The following LGSN variants were observed in gnomAD, a reference collection of about 807,000 sequenced individuals.
The protein encoded by LGSN is lengsin, lens protein with glutamine synthetase domain.
A neutral mutation model predicts 19.5 loss-of-function variants in LGSN; 21 were observed. That is an observed-to-expected ratio of 1.07 (90% CI 0.76 to 1.55). The LOEUF (loss-of-function observed/expected upper bound fraction) is 1.55, where lower values mean the gene tolerates loss of function less well. LGSN is among the 40% of genes most tolerant of loss of function. The pLI is 0.00. For synonymous variants in LGSN, 257 were observed against 215.6 expected (o/e 1.19, Z -1.68); for missense variants, 673 against 608.5 (o/e 1.11, Z -1.12).
chr6:63,470,284 G>A, the LGSN span, among the ~76,000 whole-genome samples: 2 of 151,506 alleles, frequency 1.3e-5, no homozygotes, highest in Non-Finnish European at 2.9e-5. Context: ...CCTGACTAAC[G>A]TGGCAAAACC....
the LGSN span, among the ~76,000 whole-genome samples, chr6:63,556,344 CT>C: frequency 3.4e-5 from 5 of 149,230 alleles, no homozygotes; most frequent in African/African-American, 9.8e-5. Flanking sequence ...TTGCCTTTTT[CT>C]TTTTTTTTCT....
chr6:63,531,926 G>A, the LGSN span, among the ~76,000 whole-genome samples: 145 of 151,132 alleles, frequency 9.6e-4, no homozygotes, highest in Non-Finnish European at 1.5e-3. Context: ...TCAGCCTCCC[G>A]AGTAGCTGGA....
the LGSN span, among the ~76,000 whole-genome samples, chr6:63,484,081 G>A: frequency 4.6e-5 from 7 of 152,134 alleles, no homozygotes; most frequent in African/African-American, 1.4e-4. Context: ...TTGAGCCCAG[G>A]AGTTCGAGGT....
chr6:63,412,514 G>GAAAGA, the LGSN span, among the ~76,000 whole-genome samples: 1 of 101,952 alleles, frequency 9.8e-6, no homozygotes, highest in Non-Finnish European at 1.9e-5. Flanking sequence ...AAGAAAGAAA[G>GAAAGA]AAAGAAAGAA....
chr6:63,293,302 A>T (rs1767845570), intron 2 of LGSN, among the ~76,000 whole-genome samples: 1 of 152,038 alleles, frequency 6.6e-6, no homozygotes, highest in Non-Finnish European at 1.5e-5. Context: ...TGGCTTTTAG[A>T]TTTGCTTTTG....
At chr6:63,293,009 T>G (rs1198184616) in intron 2 of LGSN, among the ~76,000 whole-genome samples, 1 of 152,182 alleles carries the variant, frequency 6.6e-6, no homozygotes, top group Non-Finnish European at 1.5e-5. Context: ...TTTCCTTTTT[T>G]CAGAGTGGGG....
chr6:63,310,073 T>A (rs1768561720), intron 1 of LGSN, among the ~76,000 whole-genome samples: 1 of 152,208 alleles, frequency 6.6e-6, no homozygotes, highest in African/African-American at 2.4e-5. Flanking sequence ...AGCTGGGAAT[T>A]TTCACATACA....
In LGSN at chr6:63,312,855, A is replaced by G. The variant is rs147924121; in HGVS notation, c.30+7059T>C. On this transcript the variant is annotated intron_variant, in intron 1 of 3. Transcript: ENST00000370657. ...TAGCTGGATATAGGAAGTGTCAGAG[A>G]CAGAGGAATGAAAAATGACAACCAC... 6.6e-4 allele frequency among the ~76,000 whole-genome samples: 100 copies of G among 152,290 alleles called. 1 individual carries two copies. Among genetic ancestry groups the G allele is most frequent in the African/African-American group, 2.3e-3 (96 of 41,554 alleles).
At chr6:63,505,563 A>AAAAAAGAAAGAAAG in the LGSN span, among the ~76,000 whole-genome samples, 1 of 86,690 alleles carries the variant, frequency 1.2e-5, no homozygotes, top group African/African-American at 5.8e-5. Flanking sequence ...CAAAAAAAAA[A>AAAAAAGAAAGAAAG]AAAAAGAAAG....
At chr6:63,289,279 T>C (rs913419931) in intron 2 of LGSN, among the ~76,000 whole-genome samples, 1 of 152,252 alleles carries the variant, frequency 6.6e-6, no homozygotes, top group African/African-American at 2.4e-5. Flanking sequence ...GCATCGATTT[T>C]TCATTTAAAA....
chr6:63,365,641 G>T, the LGSN span, among the ~76,000 whole-genome samples: 2 of 152,090 alleles, frequency 1.3e-5, no homozygotes, highest in Non-Finnish European at 2.9e-5. Flanking sequence ...CAAAAAAAGA[G>T]AATTTTAGAC....
the LGSN span, among the ~76,000 whole-genome samples, chr6:63,573,013 T>C: frequency 1.3e-5 from 2 of 151,570 alleles, no homozygotes; most frequent in Admixed American, 1.3e-4. Flanking sequence ...GCGGTCCGGC[T>C]TCTGCGGCGG....
At chr6:63,518,707 C>T in the LGSN span, among the ~76,000 whole-genome samples, 1 of 152,170 alleles carries the variant, frequency 6.6e-6, no homozygotes, top group Non-Finnish European at 1.5e-5. Context: ...AGTGTACTAA[C>T]AACAGAGAGG....
At chr6:63,338,230 A>G in the LGSN span, among the ~76,000 whole-genome samples, 7 of 152,192 alleles carry the variant, frequency 4.6e-5, no homozygotes, top group African/African-American at 9.7e-5. Flanking sequence ...GTTCAAAATT[A>G]TCTCAAAAAT....
At chr6:63,320,591 G>C (rs769073218), upstream of LGSN, among the ~76,000 whole-genome samples, 1 of 152,098 alleles carries the variant, frequency 6.6e-6, no homozygotes, top group Non-Finnish European at 1.5e-5. Context: ...TCATCTACAG[G>C]CTGCCCCATA....
chr6:63,439,502 G>A, the LGSN span, among the ~76,000 whole-genome samples: 2 of 151,606 alleles, frequency 1.3e-5, no homozygotes, highest in African/African-American at 4.8e-5. Context: ...GCGACAGAGT[G>A]TGATTCTGTC....
the LGSN span, among the ~76,000 whole-genome samples, chr6:63,555,234 G>A: frequency 6.6e-6 from 1 of 152,130 alleles, no homozygotes; most frequent in Non-Finnish European, 1.5e-5. Flanking sequence ...CCCGAGTAGA[G>A]GTACATGACT....
At chr6:63,507,172 G>A in the LGSN span, among the ~76,000 whole-genome samples, 5 of 152,080 alleles carry the variant, frequency 3.3e-5, no homozygotes, top group South Asian at 4.1e-4. Context: ...CTGTCCCTCC[G>A]TCCTTGAGTG....
chr6:63,306,253 C>G (rs1251425179), intron 1 of LGSN, among the ~76,000 whole-genome samples: 1 of 152,118 alleles, frequency 6.6e-6, no homozygotes, highest in African/African-American at 2.4e-5. Context: ...TGTTCAAGGT[C>G]ATATCTGAGG....
Sources: gnomAD v4.1 joint callset for allele counts (sites outside exome capture counted in the v4.1 genomes callset) on GRCh38, gnomAD v4.1.1 for gene constraint, MANE v1.5 for transcripts, NCBI Gene and HGNC (gene_info 2026-07-23, HGNC 2026-07-21) for gene names.